CCDC148: variants seen among roughly 807,000 people sequenced by gnomAD.
CCDC148 encodes the protein coiled-coil domain-containing protein 148.
Under a neutral mutation model 85.7 loss-of-function variants are expected in CCDC148, and 89 were observed. The ratio of observed to expected loss-of-function variants is 1.04; its 90% CI spans 0.87 to 1.24. The LOEUF is 1.24. Ranked by LOEUF, CCDC148 falls within the 50% of genes most tolerant of loss-of-function variation. CCDC148 has a pLI of 0.00. For synonymous variants in CCDC148, 230 were observed against 213.9 expected (o/e 1.08, Z -0.66); for missense variants, 692 against 671.7 (o/e 1.03, Z -0.33).
chr2:158,194,947 C>T (rs148261652), intron 11 of CCDC148, among the ~76,000 whole-genome samples: 32 of 151,974 alleles, frequency 2.1e-4, no homozygotes, highest in Non-Finnish European at 4.4e-4. Context: ...GTGCATGTCC[C>T]ATAACCTGCT....
chr2:158,415,261 C>CAGG (rs1384395303), intron 1 of CCDC148, among the ~76,000 whole-genome samples: 2 of 151,970 alleles, frequency 1.3e-5, no homozygotes, highest in African/African-American at 2.4e-5. Flanking sequence ...ATGGCTGGAG[C>CAGG]AGGAGGAAGA....
At chr2:158,189,948 G>A (rs896730646) in intron 11 of CCDC148, among the ~76,000 whole-genome samples, 2 of 151,932 alleles carry the variant, frequency 1.3e-5, no homozygotes, top group Non-Finnish European at 2.9e-5. Flanking sequence ...AAAAGTGATG[G>A]AAAGCATTCT....
At chr2:158,221,925 T>C (rs532615078) in intron 10 of CCDC148, among the ~76,000 whole-genome samples, 11 of 152,042 alleles carry the variant, frequency 7.2e-5, no homozygotes, top group South Asian at 4.2e-4. Flanking sequence ...AGAGGAAACA[T>C]TGATTGACAA....
intron 7 of CCDC148, among the ~76,000 whole-genome samples, chr2:158,321,498 C>T (rs1040123901): frequency 6.6e-6 from 1 of 152,182 alleles, no homozygotes; most frequent in African/African-American, 2.4e-5. Flanking sequence ...TGAGACTGGA[C>T]ATGCCCAGGC....
chr2:158,382,848 G>A (rs1456962474), intron 1 of CCDC148, among the ~76,000 whole-genome samples: 1 of 151,926 alleles, frequency 6.6e-6, no homozygotes, highest in Non-Finnish European at 1.5e-5. Context: ...TTGAATCCGG[G>A]AGACAGAGGT....
At chr2:158,173,667 C>T (rs1327592765) in intron 13 of CCDC148, among the ~76,000 whole-genome samples, 3 of 151,942 alleles carry the variant, frequency 2.0e-5, no homozygotes, top group East Asian at 1.9e-4. Flanking sequence ...CTTGGGGCAA[C>T]GATGAGTATG....
At chr2:158,268,773 T>G (rs916645469) in intron 9 of CCDC148, among the ~76,000 whole-genome samples, 1 of 152,214 alleles carries the variant, frequency 6.6e-6, no homozygotes, top group Non-Finnish European at 1.5e-5. Flanking sequence ...ACCATCATTC[T>G]ACTCTCTGCT....
intron 11 of CCDC148, 128 bp downstream of exon 11, chr2:158,220,467 T>G (rs1687115110): frequency 1.6e-6 from 1 of 644,432 alleles, no homozygotes; most frequent in Admixed American, 2.9e-5. Flanking sequence ...TATTCATTTG[T>G]GAATATAAAT....
At chr2:158,445,455 C>T (rs938972486) in intron 1 of CCDC148, among the ~76,000 whole-genome samples, 5 of 152,152 alleles carry the variant, frequency 3.3e-5, no homozygotes, top group Admixed American at 6.6e-5. Context: ...CTGATAATCA[C>T]CGTGTCTGAG....
At chr2:158,330,545 C>G (rs1207538309) in intron 7 of CCDC148, among the ~76,000 whole-genome samples, 1 of 152,286 alleles carries the variant, frequency 6.6e-6, no homozygotes, top group East Asian at 1.9e-4. Context: ...GGAGGATTCC[C>G]TCTTTTTCTA....
At chr2:158,358,414 A>C (rs201351931) in intron 2 of CCDC148, 35 bp downstream of exon 2, 1 of 1,580,884 alleles carries the variant, frequency 6.3e-7, no homozygotes, top group Middle Eastern at 1.7e-4. Flanking sequence ...CGATTTTCTA[A>C]AACTAGAAAA....
chr2:158,310,614 C>T (rs1419209179), intron 8 of CCDC148, among the ~76,000 whole-genome samples: 2 of 150,714 alleles, frequency 1.3e-5, no homozygotes, highest in Admixed American at 1.3e-4. Flanking sequence ...ACGGGGCGGC[C>T]AGGTAGAGGC....
At chr2:158,381,135 C>T (rs1449041968) in intron 1 of CCDC148, among the ~76,000 whole-genome samples, 1 of 152,114 alleles carries the variant, frequency 6.6e-6, no homozygotes, top group Non-Finnish European at 1.5e-5. Context: ...TTAAGACCAT[C>T]TATTCATCCA....
intron 10 of CCDC148, among the ~76,000 whole-genome samples, chr2:158,243,674 A>C (rs1292042038): frequency 6.6e-6 from 1 of 152,136 alleles, no homozygotes; most frequent in East Asian, 1.9e-4. Flanking sequence ...GATCTTTTCA[A>C]GACTAAAACA....
chr2:158,199,923 A>C (rs1407767245), intron 11 of CCDC148, among the ~76,000 whole-genome samples: 1 of 152,240 alleles, frequency 6.6e-6, no homozygotes, highest in Non-Finnish European at 1.5e-5. Context: ...TAATGATTTT[A>C]ATCAAATGTT....
At chr2:158,301,008 C>T (rs570555179) in intron 9 of CCDC148, among the ~76,000 whole-genome samples, 1 of 152,288 alleles carries the variant, frequency 6.6e-6, no homozygotes, top group East Asian at 1.9e-4. Flanking sequence ...GCACGCACCA[C>T]TACTCCTGGC....
chr2:158,398,827 G>C (rs1015194414), intron 1 of CCDC148, among the ~76,000 whole-genome samples: 16 of 152,056 alleles, frequency 1.1e-4, no homozygotes, highest in African/African-American at 3.6e-4. Context: ...AAATATCAAT[G>C]AATCCAGGAG....
chr2:158,332,484 C>A (rs889070392), intron 7 of CCDC148, among the ~76,000 whole-genome samples: 2 of 134,414 alleles, frequency 1.5e-5, no homozygotes, highest in African/African-American at 2.9e-5. Context: ...AGTTATTGGT[C>A]TGAAATTTTC....
In CCDC148 at chr2:158,340,584, C is replaced by A. The variant is rs752419605; in HGVS notation, c.334+14G>T. 6.4e-7 allele frequency: 1 copy of A among 1,557,122 alleles called. No individual in the cohort carries two copies. ...TAAAACTCCCCTTTAAATATAGGAT[C>A]AAAAAAATCTTACCAAAATTTGTAA... On this transcript the variant is annotated intron_variant, in intron 4 of 13. Coordinates refer to ENST00000283233, the MANE Select transcript of CCDC148 (RefSeq NM_138803.4).
Sources: gnomAD v4.1 joint callset for allele counts (sites outside exome capture counted in the v4.1 genomes callset) on GRCh38, gnomAD v4.1.1 for gene constraint, MANE v1.5 for transcripts, NCBI Gene and HGNC (gene_info 2026-07-23, HGNC 2026-07-21) for gene names.